The following TBC1D22A variants were observed in gnomAD, a reference collection of about 807,000 sequenced individuals.
TBC1D22A encodes TBC1 domain family member 22A.
A neutral mutation model predicts 60.2 loss-of-function variants in TBC1D22A; 38 were observed. The observed-to-expected ratio is 0.63, with a 90% CI of 0.49 to 0.83. The LOEUF (loss-of-function observed/expected upper bound fraction) is 0.83, where lower values mean the gene tolerates loss of function less well. TBC1D22A is among the 40% of genes least tolerant of loss of function. The pLI, the probability that TBC1D22A is intolerant of heterozygous loss-of-function variation, is 0.00. For synonymous variants in TBC1D22A, 302 were observed against 281.7 expected (o/e 1.07, Z -0.72); for missense variants, 628 against 701.0 (o/e 0.90, Z 1.18).
chr22:46,781,910 T>C (rs2083956674), intron 1 of TBC1D22A, among the ~76,000 whole-genome samples: 1 of 152,250 alleles, frequency 6.6e-6, no homozygotes, highest in Non-Finnish European at 1.5e-5. Context: ...GCCCCTGCCT[T>C]GCTCACTACT....
At chr22:46,954,213 C>G (rs1352414262) in intron 8 of TBC1D22A, among the ~76,000 whole-genome samples, 2 of 152,234 alleles carry the variant, frequency 1.3e-5, no homozygotes, top group African/African-American at 2.4e-5. Context: ...CAGTCCCGCT[C>G]TGCTTCTTGC....
chr22:47,122,763 G>T lies in TBC1D22A; in HGVS notation c.1425+11160G>T, dbSNP rs574134572. Among the ~76,000 whole-genome samples, 8 of 152,378 alleles carry T rather than the reference G, an allele frequency of 5.3e-5. No homozygotes were observed. The South Asian group carries it at 1.7e-3, about 32-fold the overall frequency. Reference sequence around the variant, plus strand: ...AGGCAGGCTTCACTGCGCAGAAGCAGCGGCGAGGCATCCCTCCTCACCCGT... The same window carrying T: ...AGGCAGGCTTCACTGCGCAGAAGCATCGGCGAGGCATCCCTCCTCACCCGT... On this transcript the variant is annotated intron_variant, in intron 12 of 12. Transcript: ENST00000337137.
intron 8 of TBC1D22A, among the ~76,000 whole-genome samples, chr22:46,926,715 A>T (rs1390727776): frequency 6.6e-6 from 1 of 152,218 alleles, no homozygotes; most frequent in South Asian, 2.1e-4. Flanking sequence ...TTCTTGAAGA[A>T]GTAGGAATTC....
At position 46,977,136 on chromosome 22, in the gene TBC1D22A, C is replaced by T. The variant is rs560056789; in HGVS notation, c.1125+2737C>T. On this transcript the variant is annotated intron_variant, in intron 9 of 12. Coordinates refer to ENST00000337137, the MANE Select transcript of TBC1D22A (RefSeq NM_014346.5). ...TGGCTTGTATTAAAACCCACGTTGACGGCTCTGGGATCTTTCCTAGCTGAA... is the reference window on the plus strand; with the variant it reads ...TGGCTTGTATTAAAACCCACGTTGATGGCTCTGGGATCTTTCCTAGCTGAA... Among the ~76,000 whole-genome samples, 4 of 152,300 alleles carry T rather than the reference C, an allele frequency of 2.6e-5. 1 individual carries two copies. Among genetic ancestry groups the T allele is most frequent in the South Asian group, 2.1e-4 (1 of 4,830 alleles).
chr22:46,923,668 G>C (rs9616157), intron 8 of TBC1D22A, among the ~76,000 whole-genome samples: 1 of 152,210 alleles, frequency 6.6e-6, no homozygotes, highest in Admixed American at 6.5e-5. Context: ...GGCAGCCGCC[G>C]TACCACTGTG....
At chr22:46,928,422 A>G (rs1476567141) in intron 8 of TBC1D22A, among the ~76,000 whole-genome samples, 3 of 152,244 alleles carry the variant, frequency 2.0e-5, no homozygotes, top group African/African-American at 7.2e-5. Context: ...GACACACACA[A>G]AAAAGTGAAT....
chr22:46,984,493 A>T (rs1162852140), intron 9 of TBC1D22A, among the ~76,000 whole-genome samples: 1 of 148,950 alleles, frequency 6.7e-6, no homozygotes, highest in Non-Finnish European at 1.5e-5. Context: ...CACTAACAGC[A>T]CTCATGCCAA....
At chr22:46,847,969 G>C (rs993315343) in intron 4 of TBC1D22A, among the ~76,000 whole-genome samples, 2 of 147,310 alleles carry the variant, frequency 1.4e-5, no homozygotes, top group African/African-American at 2.5e-5. Flanking sequence ...GCGCGCACGC[G>C]CTCTACACAG....
rs556229460 is a variant in TBC1D22A, at chr22:47,023,457, A to T, written c.1202-13614A>T. Among the ~76,000 whole-genome samples, 5 of 152,378 alleles carry T rather than the reference A, an allele frequency of 3.3e-5. No homozygotes were observed. The East Asian group carries it at 9.6e-4, about 29-fold the overall frequency. On this transcript the variant is annotated intron_variant, in intron 10 of 12. Coordinates refer to ENST00000337137, the MANE Select transcript of TBC1D22A (RefSeq NM_014346.5). ...AAGAAATAATACTCAGTTAAAAAAA[A>T]TCATATGGAACCTATAAACCTGTAG...
At chr22:46,850,819 A>G (rs962061178) in intron 4 of TBC1D22A, among the ~76,000 whole-genome samples, 3 of 152,254 alleles carry the variant, frequency 2.0e-5, no homozygotes, top group African/African-American at 7.2e-5. Flanking sequence ...AGGTGAATGG[A>G]TAAAGAAAAA....
chr22:47,070,633 G>A (rs147761821), intron 11 of TBC1D22A, among the ~76,000 whole-genome samples: 15,180 of 130,894 alleles, frequency 0.12, 526 homozygotes, highest in African/African-American at 0.21. Context: ...TTTGGCTGGA[G>A]CGGGGCTGAC....
intron 11 of TBC1D22A, among the ~76,000 whole-genome samples, chr22:47,058,702 A>G (rs1316024318): frequency 1.3e-5 from 2 of 152,032 alleles, no homozygotes; most frequent in Non-Finnish European, 2.9e-5. Context: ...GGAGAGCCAC[A>G]GTGGCTCTGC....
At chr22:46,863,890 A>G (rs2066927195) in intron 4 of TBC1D22A, among the ~76,000 whole-genome samples, 1 of 152,028 alleles carries the variant, frequency 6.6e-6, no homozygotes, top group Admixed American at 6.5e-5. Context: ...GACATCTCTT[A>G]TGTCCAGGGA....
chr22:47,148,217 A>C (rs1319953362), intron 12 of TBC1D22A, among the ~76,000 whole-genome samples: 1 of 152,074 alleles, frequency 6.6e-6, no homozygotes, highest in African/African-American at 2.4e-5. Flanking sequence ...TGCCCCCGGC[A>C]GGTGTGCTCC....
Position 47,063,825 on chromosome 22 carries a change from T to C in TBC1D22A, c.1329+26627T>C, listed in dbSNP as rs767135284. Among the ~76,000 whole-genome samples the C allele has an allele frequency of 8.0e-4, 122 of 152,322 alleles. 1 individual carries two copies. Among genetic ancestry groups the C allele is most frequent in the Admixed American group, 1.3e-3 (20 of 15,306 alleles). On this transcript the variant is annotated intron_variant, in intron 11 of 12. Coordinates refer to ENST00000337137, the MANE Select transcript of TBC1D22A (RefSeq NM_014346.5). ...AGTCATCCTCGGCATTCCTGACTCA[T>C]GGCAGCCTCACTCCAGTCTTTGCCT...
chr22:46,786,627 C>A (rs1350427055), intron 1 of TBC1D22A, among the ~76,000 whole-genome samples: 1 of 152,148 alleles, frequency 6.6e-6, no homozygotes, highest in Non-Finnish European at 1.5e-5. Context: ...ACCAGTGAAT[C>A]CCTCTGGGCT....
intron 6 of TBC1D22A, among the ~76,000 whole-genome samples, chr22:46,893,669 T>C (rs2068521629): frequency 6.6e-6 from 1 of 152,240 alleles, no homozygotes; most frequent in South Asian, 2.1e-4. Context: ...ATGAGAGACC[T>C]GGGCCCTTGT....
At position 47,028,387 on chromosome 22, in the gene TBC1D22A, CCCT is replaced by C; in HGVS notation, c.1202-8682_1202-8680del. 6.8e-6 allele frequency among the ~76,000 whole-genome samples: 1 copy of C among 148,108 alleles called. No homozygotes were observed. Among genetic ancestry groups the C allele is most frequent in the Non-Finnish European group, 1.5e-5 (1 of 67,384 alleles). On this transcript the variant is annotated intron_variant, in intron 10 of 12. Transcript: ENST00000337137. This position sits in a 1 kb window ranked among gnomAD's most constrained non-coding sequence, Gnocchi z 4.4. Reference sequence around the variant, plus strand: ...TGAGAGTGAGTGGTCGCATTCCTGTCCCTCGGTCCCTGTCCCCCACGGCCCAGG... The same window carrying C: ...TGAGAGTGAGTGGTCGCATTCCTGTCCGGTCCCTGTCCCCCACGGCCCAGG...
In TBC1D22A at chr22:47,100,242, C is replaced by T. The variant is rs183782778; in HGVS notation, c.1330-11266C>T. Among the ~76,000 whole-genome samples the T allele has an allele frequency of 1.5e-3, 229 of 151,278 alleles. 1 individual carries two copies. The highest frequency in any genetic ancestry group is 2.5e-3 in the Non-Finnish European group (168 of 67,740). On this transcript the variant is annotated intron_variant, in intron 11 of 12. Transcript: ENST00000337137. ...GAGGTGTCAGGGCACAGGAATGAGG[C>T]TGTGGAGTGCAAGGGTGAGGCCTCA...
Sources: gnomAD v4.1 joint callset for allele counts (sites outside exome capture counted in the v4.1 genomes callset) on GRCh38, gnomAD v4.1.1 for gene constraint, Gnocchi (gnomAD v3.1) non-coding constraint, MANE v1.5 for transcripts, NCBI Gene and HGNC (gene_info 2026-07-23, HGNC 2026-07-21) for gene names.